Variants in EHBP1 observed in about 807,000 individuals in gnomAD.
The protein encoded by EHBP1 is EH domain-binding protein 1.
A neutral mutation model predicts 144.0 loss-of-function variants in EHBP1; 55 were observed. That is an observed-to-expected ratio of 0.38 (90% CI 0.31 to 0.48). The LOEUF (loss-of-function observed/expected upper bound fraction) is 0.48, where lower values mean the gene tolerates loss of function less well. Ranked by LOEUF, EHBP1 falls within the 20% of genes least tolerant of loss-of-function variation. The pLI is 0.98. For missense variants in EHBP1, 1,200 were observed against 1,364.2 expected, an observed-to-expected ratio of 0.88 and a Z score of 1.90; for synonymous variants, 469 against 472.7, an observed-to-expected ratio of 0.99 and a Z score of 0.10.
intron 2 of EHBP1, among the ~76,000 whole-genome samples, chr2:62,743,722 T>C (rs2038918560): frequency 6.6e-6 from 1 of 152,106 alleles, no homozygotes; most frequent in African/African-American, 2.4e-5. Context: ...TCTTTAAACT[T>C]AGTTTTCATA....
At chr2:62,841,870 G>A (rs1423154554) in intron 7 of EHBP1, among the ~76,000 whole-genome samples, 1 of 151,944 alleles carries the variant, frequency 6.6e-6, no homozygotes, top group African/African-American at 2.4e-5. Flanking sequence ...GTCTTAGTTT[G>A]CTTGGGCTGC....
In EHBP1 at chr2:63,023,401, G is replaced by A. The variant is rs117499209; in HGVS notation, c.3104-14134G>A. Reference sequence around the variant, plus strand: ...TTGATACAAATATATATACATAAACGGTTATTTTCCTAAGGAAAGACAGTG... The same window carrying A: ...TTGATACAAATATATATACATAAACAGTTATTTTCCTAAGGAAAGACAGTG... On this transcript the variant is annotated intron_variant, in intron 19 of 22. Transcript: ENST00000431489. Among the ~76,000 whole-genome samples the A allele has an allele frequency of 3.7e-4, 57 of 152,186 alleles. No individual in the cohort carries two copies. In the East Asian group the frequency reaches 7.7e-3, roughly 21 times the overall value.
chr2:62,995,207 T>G (rs1466857837), intron 18 of EHBP1, among the ~76,000 whole-genome samples: 1 of 152,068 alleles, frequency 6.6e-6, no homozygotes, highest in African/African-American at 2.4e-5. Flanking sequence ...TCTGTTATAT[T>G]TTGTATTGAG....
chr2:63,016,093 TAAAG>T (rs776546640), intron 19 of EHBP1, among the ~76,000 whole-genome samples: 2 of 152,220 alleles, frequency 1.3e-5, no homozygotes, highest in Non-Finnish European at 1.5e-5. Context: ...TCTGTAATAA[TAAAG>T]AAACCAGAAA....
intron 19 of EHBP1, among the ~76,000 whole-genome samples, chr2:63,002,002 C>T (rs962335568): frequency 6.6e-6 from 1 of 152,188 alleles, no homozygotes; most frequent in African/African-American, 2.4e-5. Context: ...CCAACAAGCT[C>T]ATGTGCCTCT....
At chr2:62,968,531 T>A (rs1366520175) in intron 14 of EHBP1, among the ~76,000 whole-genome samples, 2 of 152,212 alleles carry the variant, frequency 1.3e-5, no homozygotes, top group African/African-American at 2.4e-5. Flanking sequence ...TAATTTTTTT[T>A]AATATGATAC....
At chr2:62,961,725 A>T (rs930196127) in intron 14 of EHBP1, among the ~76,000 whole-genome samples, 1 of 152,118 alleles carries the variant, frequency 6.6e-6, no homozygotes, top group South Asian at 2.1e-4. Flanking sequence ...CCATTTCCCC[A>T]TACACTTTTC....
intron 5 of EHBP1, among the ~76,000 whole-genome samples, chr2:62,806,394 G>A (rs968984649): frequency 8.6e-5 from 13 of 150,378 alleles, no homozygotes; most frequent in Admixed American, 2.0e-4. Context: ...TTTTTGAGGC[G>A]GAGTCTTGCT....
At chr2:62,690,291 C>A (rs943183197) in intron 1 of EHBP1, among the ~76,000 whole-genome samples, 1 of 151,982 alleles carries the variant, frequency 6.6e-6, no homozygotes. Flanking sequence ...TGGCTGGGCA[C>A]GGTGGCTCAC....
intron 19 of EHBP1, among the ~76,000 whole-genome samples, chr2:63,030,626 T>A (rs1030531817): frequency 6.6e-6 from 1 of 151,570 alleles, no homozygotes; most frequent in African/African-American, 2.4e-5. Flanking sequence ...TAGCTGGGAC[T>A]ACAGGCGCCC....
chr2:62,709,590 AAAGC>A (rs2034937682), intron 2 of EHBP1, among the ~76,000 whole-genome samples: 1 of 152,116 alleles, frequency 6.6e-6, no homozygotes, highest in Admixed American at 6.5e-5. Flanking sequence ...TCTAAAGGTA[AAAGC>A]TACAGCGAAA....
chr2:63,012,468 C>G lies in EHBP1; in HGVS notation c.3103+15702C>G, dbSNP rs566683665. Reference sequence around the variant, plus strand: ...TATAATAGCTAATAATAAAAAAGCACTTTTTCTGCAGTGATAAAAAATACT... The same window carrying G: ...TATAATAGCTAATAATAAAAAAGCAGTTTTTCTGCAGTGATAAAAAATACT... On this transcript the variant is annotated intron_variant, in intron 19 of 22. Transcript: ENST00000431489. Among the ~76,000 whole-genome samples the G allele has an allele frequency of 2.0e-4, 31 of 152,190 alleles. No individual in the cohort carries two copies. The South Asian group carries it at 5.6e-3, about 27-fold the overall frequency.
In EHBP1 at chr2:62,748,896, A is replaced by T. The variant is rs186062667; in HGVS notation, c.162+1444A>T. Among the ~76,000 whole-genome samples the T allele has an allele frequency of 4.7e-4, 71 of 152,242 alleles. 1 individual carries two copies. Among genetic ancestry groups the T allele is most frequent in the African/African-American group, 1.5e-3 (63 of 41,556 alleles). On this transcript the variant is annotated intron_variant, in intron 3 of 22. Transcript: ENST00000431489. ...TACATATGTGTAATACACAGATCTT[A>T]ATTTTATAATTCAGTAAGATTTGAT...
intron 1 of EHBP1, among the ~76,000 whole-genome samples, chr2:62,681,881 T>C (rs1179667243): frequency 6.6e-6 from 1 of 152,122 alleles, no homozygotes; most frequent in Non-Finnish European, 1.5e-5. Context: ...TCATAAAATA[T>C]TGGAAAGAGC....
intron 3 of EHBP1, among the ~76,000 whole-genome samples, chr2:62,749,795 C>G (rs2039506903): frequency 6.6e-6 from 1 of 152,164 alleles, no homozygotes; most frequent in African/African-American, 2.4e-5. Flanking sequence ...TGAGAAGTGT[C>G]TGTTCATATC....
intron 1 of EHBP1, among the ~76,000 whole-genome samples, chr2:62,697,196 A>G (rs779153771): frequency 5.3e-5 from 8 of 152,268 alleles, no homozygotes; most frequent in South Asian, 2.1e-4. Context: ...TGTAGTTACA[A>G]TCATGTTGCC....
In EHBP1 at chr2:62,949,115, G is replaced by A. The variant is rs758434906; in HGVS notation, c.2269G>A (p.Asp757Asn). The change falls in exon 13 of 23, where the codon GAT (aspartate) becomes AAT (asparagine). Residue 757 changes from aspartate (D) to asparagine (N), a missense_variant. By Grantham distance (23) the Asp-to-Asn change is conservative. Coordinates refer to ENST00000431489, the MANE Select transcript of EHBP1 (RefSeq NM_001142616.3). ...LRQTESDPDADRTTLNHADHS... is the reference protein window; with the variant it reads ...LRQTESDPDANRTTLNHADHS... ...GCAGACGGAGTCTGATCCAGATGCT[G>A]ATAGAACCACTTTAAATCATGCAGA... is the stretch of plus-strand genomic sequence containing the variant. 6.3e-7 allele frequency: 1 copy of A among 1,583,570 alleles called. No homozygotes were observed. Among genetic ancestry groups the A allele is most frequent in the African/African-American group, 1.4e-5 (1 of 72,920 alleles).
At chr2:62,821,754 C>T (rs1446121558) in intron 5 of EHBP1, among the ~76,000 whole-genome samples, 1 of 152,056 alleles carries the variant, frequency 6.6e-6, no homozygotes, top group Non-Finnish European at 1.5e-5. Flanking sequence ...TTGCTTGCTA[C>T]CATTATGTTT....
At chr2:63,041,648 G>A (rs886637669) in intron 21 of EHBP1, among the ~76,000 whole-genome samples, 2 of 152,160 alleles carry the variant, frequency 1.3e-5, no homozygotes, top group African/African-American at 2.4e-5. Context: ...TTGTTACACA[G>A]TACAGCCACA....
Sources: gnomAD v4.1 joint callset for allele counts (sites outside exome capture counted in the v4.1 genomes callset) on GRCh38, gnomAD v4.1.1 for gene constraint, MANE v1.5 for transcripts, NCBI Gene and HGNC (gene_info 2026-07-23, HGNC 2026-07-21) for gene names.